The following NAV2 variants were observed in gnomAD, a reference collection of about 807,000 sequenced individuals.
The protein encoded by NAV2 is neuron navigator 2.
Under a neutral mutation model 223.2 loss-of-function variants are expected in NAV2, and 54 were observed. The observed-to-expected ratio is 0.24, with a 90% CI of 0.19 to 0.30. NAV2 has a LOEUF of 0.30. NAV2 is among the 10% of genes least tolerant of loss of function. NAV2 has a pLI of 1.00. For missense variants in NAV2, 2,806 were observed against 3,147.5 expected (o/e 0.89, Z 2.60); for synonymous variants, 1,279 against 1,239.3 (o/e 1.03, Z -0.67).
At chr11:19,940,292 CAAT>C (rs569424116) in intron 8 of NAV2, among the ~76,000 whole-genome samples, 261 of 152,106 alleles carry the variant, frequency 1.7e-3, no homozygotes, top group African/African-American at 5.7e-3. Context: ...GTAATGTAGA[CAAT>C]GATGATTACA....
At chr11:20,078,174 T>C in intron 24 of NAV2, 70 bp downstream of exon 24, 1 of 1,032,272 alleles carries the variant, frequency 9.7e-7, no homozygotes. Flanking sequence ...TGACATCATA[T>C]GATGCAACCT....
chr11:19,891,835 TTATCAGTTTAGA>T (rs1416450036), intron 5 of NAV2, among the ~76,000 whole-genome samples: 1 of 152,172 alleles, frequency 6.6e-6, no homozygotes, highest in African/African-American at 2.4e-5. Flanking sequence ...ACACACAAGG[TTATCAGTTTAGA>T]ATCCTCTGAG....
At chr11:19,533,085 G>T (rs574898015) in intron 1 of NAV2, among the ~76,000 whole-genome samples, 1 of 152,292 alleles carries the variant, frequency 6.6e-6, no homozygotes, top group African/African-American at 2.4e-5. Flanking sequence ...GGGAAAAGTG[G>T]GTTGGAGTGA....
intron 11 of NAV2, among the ~76,000 whole-genome samples, chr11:19,999,356 T>C (rs2249597): frequency 0.79 from 120,859 of 152,136 alleles, 48,523 homozygotes; most frequent in South Asian, 0.91. Flanking sequence ...ACCCAGTCTA[T>C]TATTGCTTTG....
chr11:19,493,368 G>T (rs2042692700), intron 1 of NAV2, among the ~76,000 whole-genome samples: 1 of 152,186 alleles, frequency 6.6e-6, no homozygotes, highest in Non-Finnish European at 1.5e-5. Flanking sequence ...GGAATCTATT[G>T]AAAAACTTAG....
chr11:19,725,543 C>T (rs2051164255), intron 1 of NAV2, among the ~76,000 whole-genome samples: 1 of 152,198 alleles, frequency 6.6e-6, no homozygotes, highest in Admixed American at 6.5e-5. Context: ...GAAAGTACTC[C>T]TAAACTAGAG....
At chr11:19,492,134 T>A (rs997056527) in intron 1 of NAV2, among the ~76,000 whole-genome samples, 4 of 152,160 alleles carry the variant, frequency 2.6e-5, no homozygotes, top group African/African-American at 7.2e-5. Context: ...TTGGTCACCA[T>A]AACAGATACA....
At chr11:19,954,935 A>G (rs1275464431) in intron 10 of NAV2, among the ~76,000 whole-genome samples, 2,951 of 53,908 alleles carry the variant, frequency 0.055, 118 homozygotes, top group East Asian at 0.34. Context: ...GTATATACAT[A>G]TATATATACA....
chr11:19,744,222 A>AAGACTTTCC (rs1331240239), intron 1 of NAV2, among the ~76,000 whole-genome samples: 1 of 152,198 alleles, frequency 6.6e-6, no homozygotes, highest in Non-Finnish European at 1.5e-5. Context: ...TTAAGAGTGA[A>AAGACTTTCC]AGACTTTCCA....
intron 1 of NAV2, among the ~76,000 whole-genome samples, chr11:19,776,631 A>AGTGTGTGTGTGTGTGTGTGTGTGT (rs1565295867): frequency 8.8e-5 from 2 of 22,700 alleles, no homozygotes; most frequent in Non-Finnish European, 1.7e-4. Context: ...GGGGTCAGAA[A>AGTGTGTGTGTGTGTGTGTGTGTGT]ATGTGTGTGT....
chr11:19,777,114 T>C (rs71453079), intron 1 of NAV2, among the ~76,000 whole-genome samples: 58,255 of 117,816 alleles, frequency 0.49, 13,125 homozygotes, highest in African/African-American at 0.68. Flanking sequence ...CACCCCGCCC[T>C]CGGCCGCCGC....
chr11:20,111,181 T>C (rs574272958), intron 36 of NAV2, among the ~76,000 whole-genome samples: 4 of 152,296 alleles, frequency 2.6e-5, no homozygotes, highest in African/African-American at 9.6e-5. Flanking sequence ...GTGCACACCC[T>C]CCCAGGAGCC....
At chr11:19,409,140 A>G (rs1245812347) in intron 1 of NAV2, among the ~76,000 whole-genome samples, 1 of 152,140 alleles carries the variant, frequency 6.6e-6, no homozygotes, top group Non-Finnish European at 1.5e-5. Context: ...TGGTGAGCAA[A>G]TCATTGGCCC....
chr11:19,384,607 T>C (rs1276347518), intron 1 of NAV2: 1 of 152,304 alleles, frequency 6.6e-6, no homozygotes, highest in Non-Finnish European at 1.5e-5. Context: ...ACCCCTCACC[T>C]TCCTTGCAAA....
intron 1 of NAV2, among the ~76,000 whole-genome samples, chr11:19,659,257 A>G (rs2048208090): frequency 6.6e-6 from 1 of 152,214 alleles, no homozygotes; most frequent in East Asian, 1.9e-4. Flanking sequence ...CCAGGTAGGC[A>G]GAAAAACTTG....
chr11:19,639,049 G>A (rs2047583618), intron 1 of NAV2, among the ~76,000 whole-genome samples: 1 of 152,162 alleles, frequency 6.6e-6, no homozygotes, highest in Admixed American at 6.5e-5. Context: ...GTGCAGAATA[G>A]AATTGACATA....
intron 1 of NAV2, among the ~76,000 whole-genome samples, chr11:19,565,152 G>T (rs1353809404): frequency 6.6e-6 from 1 of 152,102 alleles, no homozygotes; most frequent in Non-Finnish European, 1.5e-5. Context: ...CCAGAAAAAG[G>T]TAATAATGGC....
At chr11:19,421,861 A>G (rs1323071048) in intron 1 of NAV2, among the ~76,000 whole-genome samples, 5 of 138,460 alleles carry the variant, frequency 3.6e-5, no homozygotes, top group African/African-American at 1.3e-4. Context: ...AGAGCCCCTG[A>G]GGGGCAGTGG....
chr11:19,702,312 T>A (rs1590114167), intron 1 of NAV2, among the ~76,000 whole-genome samples: 1 of 152,228 alleles, frequency 6.6e-6, no homozygotes, highest in South Asian at 2.1e-4. Context: ...AACCTCCCTT[T>A]AACTAGAACT....
Sources: allele counts gnomAD v4.1 joint callset (sites outside exome capture counted in the v4.1 genomes callset), GRCh38; gene constraint gnomAD v4.1.1; transcripts MANE v1.5; gene names NCBI Gene and HGNC (gene_info 2026-07-23, HGNC 2026-07-21).